The following PRDM16 variants were observed in gnomAD, a reference collection of about 807,000 sequenced individuals.
The protein encoded by PRDM16 is PR/SET domain 16.
In PRDM16, 23 loss-of-function variants were observed where a neutral mutation model predicts 110.6. That is an observed-to-expected ratio of 0.21 (90% CI 0.15 to 0.29). PRDM16 has a LOEUF of 0.29. Ranked by LOEUF, PRDM16 falls within the 10% of genes least tolerant of loss-of-function variation. The probability of loss-of-function intolerance (pLI) is 1.00; values close to 1 mark genes in which losing one functional copy is unlikely to be tolerated. For synonymous variants in PRDM16, 799 were observed against 781.8 expected, an observed-to-expected ratio of 1.02 and a Z score of -0.37; for missense variants, 1,615 against 1,794.3, an observed-to-expected ratio of 0.90 and a Z score of 1.81.
rs775700041 is a variant in PRDM16 at position 3,414,532 on chromosome 1, G to A, written c.2604-28G>A. The A allele has an allele frequency of 3.2e-6, 5 of 1,580,920 alleles. No individual in the cohort carries two copies. In the South Asian group the frequency reaches 5.6e-5, roughly 18 times the overall value. On this transcript the variant is annotated intron_variant, in intron 9 of 16. Transcript: ENST00000270722. ...TCGGCGGGGCGGGCGGCTCGGTGGGGTACGTAACCCTCTGTGCTGTTGTCC... is the reference window on the plus strand; with the variant it reads ...TCGGCGGGGCGGGCGGCTCGGTGGGATACGTAACCCTCTGTGCTGTTGTCC...
intron 1 of PRDM16, among the ~76,000 whole-genome samples, chr1:3,111,982 G>C (rs950974857): frequency 1.7e-4 from 26 of 152,342 alleles, no homozygotes; most frequent in African/African-American, 6.3e-4. Flanking sequence ...GCGCGGCGGC[G>C]AGGGAGGACC....
intron 8 of PRDM16, among the ~76,000 whole-genome samples, chr1:3,407,977 T>G (rs935551439): frequency 6.6e-6 from 1 of 152,208 alleles, no homozygotes; most frequent in Non-Finnish European, 1.5e-5. Context: ...CCTTAGAAAT[T>G]AGATCAGACA....
chr1:3,264,068 C>T (rs1294263823), intron 3 of PRDM16, among the ~76,000 whole-genome samples: 1 of 152,180 alleles, frequency 6.6e-6, no homozygotes, highest in African/African-American at 2.4e-5. Context: ...CATAGGTTTC[C>T]AAGGCCAAGG....
At chr1:3,219,563 CG>C (rs1428764389) in intron 2 of PRDM16, among the ~76,000 whole-genome samples, 17 of 152,278 alleles carry the variant, frequency 1.1e-4, no homozygotes, top group African/African-American at 4.1e-4. Context: ...AGTCAGAAGC[CG>C]GGTTAATAAT....
Position 3,438,449 on chromosome 1 carries a change from G to T in PRDM16, c.*4638G>T. 4.9e-6 allele frequency: 1 copy of T among 205,208 alleles called. No homozygotes were observed. The allele number at this position is 205,208 out of a possible 1,614,324, so 12.7% of individuals were successfully genotyped here. A position where few individuals can be genotyped will look rare whatever the true frequency, so the allele number is the denominator to read the frequency against. On this transcript the variant is annotated 3_prime_UTR_variant, in exon 17 of 17. Transcript: ENST00000270722. ...TTTTGCAAATTGCATTCTGATGCTT[G>T]TGATGAACACAAATGTACTTGTGTA...
At position 3,414,520 on chromosome 1, in the gene PRDM16, C is replaced by T. The variant is rs748861363; in HGVS notation, c.2604-40C>T. 49 of 1,502,192 alleles carry T rather than the reference C, an allele frequency of 3.3e-5. No individual in the cohort carries two copies. The Middle Eastern group carries it at 5.3e-4, about 16-fold the overall frequency. 93.1% of individuals were successfully genotyped at this position (1,502,192 alleles called of 1,614,324 possible). On this transcript the variant is annotated intron_variant, in intron 9 of 16. Coordinates refer to ENST00000270722, the MANE Select transcript of PRDM16 (RefSeq NM_022114.4). ...GGAGCGGGTGGCTCGGCGGGGCGGG[C>T]GGCTCGGTGGGGTACGTAACCCTCT...
At chr1:3,076,633 A>T (rs1013600845) in intron 1 of PRDM16, among the ~76,000 whole-genome samples, 3 of 152,190 alleles carry the variant, frequency 2.0e-5, no homozygotes, top group Non-Finnish European at 4.4e-5. Context: ...AGGGGGCATT[A>T]ACAGGAAGGA....
chr1:3,225,573 T>TGCGCGC (rs138962991), intron 2 of PRDM16, among the ~76,000 whole-genome samples: 4 of 129,910 alleles, frequency 3.1e-5, no homozygotes, highest in African/African-American at 1.1e-4. Context: ...TGTGTGTGTG[T>TGCGCGC]GCGCGCGCGC....
At chr1:3,421,985 C>T (rs1638446510) in intron 12 of PRDM16, among the ~76,000 whole-genome samples, 2 of 146,972 alleles carry the variant, frequency 1.4e-5, no homozygotes, top group Admixed American at 1.3e-4. Flanking sequence ...GGCGGACAGA[C>T]AGGCAGACAG....
chr1:3,426,536 G>A (rs572200843), intron 14 of PRDM16, among the ~76,000 whole-genome samples: 4 of 152,272 alleles, frequency 2.6e-5, no homozygotes, highest in Non-Finnish European at 4.4e-5. Context: ...CAGCTGTGCC[G>A]CTGACACTCA....
At chr1:3,096,286 T>C (rs547876555) in intron 1 of PRDM16, among the ~76,000 whole-genome samples, 3 of 152,212 alleles carry the variant, frequency 2.0e-5, no homozygotes, top group Admixed American at 6.5e-5. Flanking sequence ...CAAGGCAGCC[T>C]CCTCGCTGTC....
At chr1:3,284,432 C>G (rs1007093863) in intron 3 of PRDM16, among the ~76,000 whole-genome samples, 4 of 152,024 alleles carry the variant, frequency 2.6e-5, no homozygotes, top group African/African-American at 9.7e-5. Flanking sequence ...CAGAGAAAAC[C>G]AGTGTAAGGC....
chr1:3,350,841 G>A lies in PRDM16; in HGVS notation c.439-34311G>A, dbSNP rs996458943. On this transcript the variant is annotated intron_variant, in intron 3 of 16. Transcript: ENST00000270722. The surrounding 1 kb of genome is among the most constrained non-coding windows in gnomAD (Gnocchi z 7.1). The stretch of plus-strand genomic sequence containing the variant: ...TTTGAGGCCAGGTGGGTGGGGCCCA[G>A]CCAGCGCCAGGCACTTCTGGCTGGG... Among the ~76,000 whole-genome samples, 5 of 152,186 alleles carry A rather than the reference G, an allele frequency of 3.3e-5. No homozygotes were observed. Among genetic ancestry groups the A allele is most frequent in the Admixed American group, 1.3e-4 (2 of 15,292 alleles).
chr1:3,233,583 C>T (rs76667772), intron 2 of PRDM16, among the ~76,000 whole-genome samples: 8,470 of 152,256 alleles, frequency 0.056, 341 homozygotes, highest in South Asian at 0.11. Context: ...CCTGTGAGTG[C>T]GGCCAGCCTG....
chr1:3,186,469 T>C lies in PRDM16; in HGVS notation c.382T>C (p.Trp128Arg). 1 of 1,525,420 alleles carries C rather than the reference T, an allele frequency of 6.6e-7. No individual in the cohort carries two copies. Among genetic ancestry groups the C allele is most frequent in the Admixed American group, 2.1e-5 (1 of 46,914 alleles). 94.5% of individuals were successfully genotyped at this position (1,525,420 alleles called of 1,614,324 possible). ...GGCGGCAAAGGAGACAGACTTCGGA[T>C]GGGAGGTGAGCGATCGCGCCTGAGT... ...RAAAKETDFG[W>R]EQILTDVEVS... The change falls in exon 2 of 17, where the codon TGG becomes CGG. Residue 128 changes from tryptophan (W) to arginine (R), a missense_variant. Transcript: ENST00000270722.
At chr1:3,374,923 C>T (rs1158345253) in intron 3 of PRDM16, among the ~76,000 whole-genome samples, 3 of 152,216 alleles carry the variant, frequency 2.0e-5, no homozygotes, top group African/African-American at 4.8e-5. Context: ...CCGAAGTGGC[C>T]GCCACAGGCA....
At chr1:3,393,175 G>A (rs1480358776) in intron 4 of PRDM16, among the ~76,000 whole-genome samples, 1 of 152,204 alleles carries the variant, frequency 6.6e-6, no homozygotes, top group East Asian at 1.9e-4. Context: ...TTCCAGCCTT[G>A]CCCGTGCAAC....
At chr1:3,259,686 A>G (rs1281924763) in intron 3 of PRDM16, among the ~76,000 whole-genome samples, 1 of 152,174 alleles carries the variant, frequency 6.6e-6, no homozygotes, top group Non-Finnish European at 1.5e-5. Flanking sequence ...GCAGCCCCGC[A>G]TGCTCTGGGC....
At chr1:3,277,690 G>A (rs1640616281) in intron 3 of PRDM16, among the ~76,000 whole-genome samples, 1 of 152,210 alleles carries the variant, frequency 6.6e-6, no homozygotes, top group African/African-American at 2.4e-5. Context: ...TCCCGGAGCA[G>A]GGGAAGTAGC....
Sources: allele counts gnomAD v4.1 joint callset (sites outside exome capture counted in the v4.1 genomes callset), GRCh38; gene constraint gnomAD v4.1.1; non-coding constraint Gnocchi (gnomAD v3.1); transcripts MANE v1.5; gene names NCBI Gene and HGNC (gene_info 2026-07-23, HGNC 2026-07-21).